SUGT1: variants seen among roughly 807,000 people sequenced by gnomAD.
SUGT1 encodes the protein SGT1 assembly cochaperone of MIS12 kinetochore complex.
A neutral mutation model predicts 56.1 loss-of-function variants in SUGT1; 15 were observed. That is an observed-to-expected ratio of 0.27 (90% CI 0.18 to 0.41). The LOEUF (loss-of-function observed/expected upper bound fraction) is 0.41. SUGT1 is among the 10% of genes least tolerant of loss of function. SUGT1 has a pLI of 1.00. For missense variants in SUGT1, 347 were observed against 382.2 expected, an observed-to-expected ratio of 0.91 and a Z score of 0.77; for synonymous variants, 123 against 128.6, an observed-to-expected ratio of 0.96 and a Z score of 0.30.
chr13:52,660,645 C>T (rs1253911123), intron 5 of SUGT1, among the ~76,000 whole-genome samples: 1 of 152,186 alleles, frequency 6.6e-6, no homozygotes, highest in African/African-American at 2.4e-5. Context: ...TATTCTCAAA[C>T]TTGCTTATCC....
rs1422937930 is a variant in SUGT1 at position 52,698,283 on chromosome 13, G to A, written c.*10448G>A. 3 of 152,094 alleles carry A rather than the reference G, an allele frequency of 2.0e-5. No homozygotes were observed. The highest frequency in any genetic ancestry group is 7.2e-5 in the African/African-American group (3 of 41,412). The allele number at this position is 152,094 out of a possible 1,614,324, so 9.4% of individuals were successfully genotyped here. A position where few individuals can be genotyped will look rare whatever the true frequency, so the allele number is the denominator to read the frequency against. On this transcript the variant is annotated 3_prime_UTR_variant, in exon 13 of 13. Coordinates refer to ENST00000310528, the MANE Select transcript of SUGT1 (RefSeq NM_006704.5). ...ACAAAAACGAAGTCAGGATTTTGGA[G>A]CTGGAATGGATCTTAAATACTATGT...
intron 12 of SUGT1, among the ~76,000 whole-genome samples, chr13:52,680,755 A>G (rs1205198406): frequency 6.6e-6 from 1 of 152,210 alleles, no homozygotes; most frequent in Non-Finnish European, 1.5e-5. Context: ...TAAAATTAGT[A>G]TTTTAATTTA....
In SUGT1 at chr13:52,687,938, A is replaced by G. The variant is rs1290138642; in HGVS notation, c.*103A>G. 1.5e-5 allele frequency: 10 copies of G among 660,708 alleles called. No individual in the cohort carries two copies. The highest frequency in any genetic ancestry group is 2.4e-5 in the Non-Finnish European group (10 of 424,856). 40.9% of individuals were successfully genotyped at this position (660,708 alleles called of 1,614,324 possible). On this transcript the variant is annotated 3_prime_UTR_variant, in exon 13 of 13. Coordinates refer to ENST00000310528, the MANE Select transcript of SUGT1 (RefSeq NM_006704.5). Reference sequence around the variant, plus strand: ...TGAACACTGAATATCTTTTTGAAAGATTATACTTCTTTACCTCTTTGTGCT... The same window carrying G: ...TGAACACTGAATATCTTTTTGAAAGGTTATACTTCTTTACCTCTTTGTGCT...
At chr13:52,674,486 A>G (rs1488660020) in intron 10 of SUGT1, among the ~76,000 whole-genome samples, 1 of 152,216 alleles carries the variant, frequency 6.6e-6, no homozygotes, top group Non-Finnish European at 1.5e-5. Context: ...CTGATTAAAA[A>G]TATTGGCAGT....
intron 10 of SUGT1, among the ~76,000 whole-genome samples, chr13:52,668,665 G>T (rs1348844130): frequency 3.9e-5 from 6 of 152,162 alleles, no homozygotes; most frequent in South Asian, 2.1e-4. Context: ...TTTAATAAAA[G>T]AATTTTTAGT....
At chr13:52,671,558 T>A (rs1962938622) in intron 10 of SUGT1, among the ~76,000 whole-genome samples, 1 of 152,204 alleles carries the variant, frequency 6.6e-6, no homozygotes, top group South Asian at 2.1e-4. Flanking sequence ...TGTAGGTATT[T>A]TTATCCCTAG....
chr13:52,666,824 G>T lies in SUGT1; in HGVS notation c.532G>T (p.Val178Phe). The T allele has an allele frequency of 6.2e-7, 1 of 1,612,742 alleles. No homozygotes were observed. Among genetic ancestry groups the T allele is most frequent in the South Asian group, 1.1e-5 (1 of 90,960 alleles). The change falls in exon 10 of 13, where the codon GTT (valine) becomes TTT (phenylalanine). Residue 178 changes from valine (V) to phenylalanine (F), a missense_variant. Val to Phe is a conservative substitution (Grantham distance 50, BLOSUM62 -1). Coordinates refer to ENST00000310528, the MANE Select transcript of SUGT1 (RefSeq NM_006704.5). Reference protein sequence around the residue: ...EFSEKELSALVKLPSGEDYNL... With the variant: ...EFSEKELSALFKLPSGEDYNL... ...TTGTGTTCATTAGTTGTCTGCTTTGGTTAAACTTCCTTCTGGAGAGGATTA... is the reference window on the plus strand; with the variant it reads ...TTGTGTTCATTAGTTGTCTGCTTTGTTTAAACTTCCTTCTGGAGAGGATTA...
At chr13:52,683,033 A>C (rs1284096721) in intron 12 of SUGT1, among the ~76,000 whole-genome samples, 1 of 151,986 alleles carries the variant, frequency 6.6e-6, no homozygotes, top group African/African-American at 2.4e-5. Context: ...TCAAATATGG[A>C]GGTTTTATTT....
intron 4 of SUGT1, 120 bp from the exon 5 acceptor site, chr13:52,659,059 A>T (rs9536223): frequency 0.39 from 271,137 of 692,086 alleles, 55,583 homozygotes; most frequent in Admixed American, 0.46. Flanking sequence ...AGGTTTATTA[A>T]CATACACTTA....
chr13:52,675,877 C>T (rs1963119243), intron 10 of SUGT1, among the ~76,000 whole-genome samples: 1 of 152,166 alleles, frequency 6.6e-6, no homozygotes, highest in Admixed American at 6.5e-5. Flanking sequence ...ATCACCTCTT[C>T]CCTCACTGCA....
rs1375365258 is a variant in SUGT1 at position 52,665,743 on chromosome 13, C to T, written c.519+10C>T. 1 of 1,562,540 alleles carries T rather than the reference C, an allele frequency of 6.4e-7. No homozygotes were observed. The highest frequency in any genetic ancestry group is 8.7e-7 in the Non-Finnish European group (1 of 1,153,232). On this transcript the variant is annotated intron_variant, in intron 9 of 12. Coordinates refer to ENST00000310528, the MANE Select transcript of SUGT1 (RefSeq NM_006704.5). ...ATTTTCAGAAAAAGAGGTCAGTAGACTGAATCATTTTTCAATGTTGATTAC... is the reference window on the plus strand; with the variant it reads ...ATTTTCAGAAAAAGAGGTCAGTAGATTGAATCATTTTTCAATGTTGATTAC...
rs117350355 is a variant in SUGT1, at chr13:52,686,528, G to A, written c.901-1206G>A. 8.9e-4 allele frequency among the ~76,000 whole-genome samples: 136 copies of A among 152,180 alleles called. 1 individual carries two copies. The East Asian group carries it at 0.026, about 29-fold the overall frequency. ...AGGTCAGAGAAAGCCACATAGAGGT[G>A]GTGACATTTCATGTTTGGAAGATGA... On this transcript the variant is annotated intron_variant, in intron 12 of 12. Coordinates refer to ENST00000310528, the MANE Select transcript of SUGT1 (RefSeq NM_006704.5).
At chr13:52,661,331 T>C (rs1326784688) in intron 5 of SUGT1, 1 of 152,188 alleles carries the variant, frequency 6.6e-6, no homozygotes, top group Admixed American at 6.6e-5. Flanking sequence ...TGTTTCTTTT[T>C]TTGAGACTGA....
chr13:52,659,831 T>A (rs868189041), intron 5 of SUGT1, among the ~76,000 whole-genome samples: 23,002 of 89,698 alleles, frequency 0.26, 2,672 homozygotes, highest in East Asian at 0.35. Flanking sequence ...TTTTTTTTTT[T>A]TTTTTTTTTT....
chr13:52,652,984 A>T lies in SUGT1; in HGVS notation c.38+26A>T. 1 of 1,614,078 alleles carries T rather than the reference A, an allele frequency of 6.2e-7. No homozygotes were observed. ...GTGCATGTTTTTCTTTCCCTTTGGT[A>T]TTTATTTTATCCCCCTTTCCTTGGC... On this transcript the variant is annotated intron_variant, in intron 1 of 12. Coordinates refer to ENST00000310528, the MANE Select transcript of SUGT1 (RefSeq NM_006704.5).
intron 9 of SUGT1, 108 bp from the exon 10 acceptor site, chr13:52,666,704 T>C: frequency 1.3e-6 from 1 of 758,022 alleles, no homozygotes. Flanking sequence ...ATATATAATG[T>C]TTAAAATAAT....
At position 52,698,885 on chromosome 13, in the gene SUGT1, C is replaced by T. The variant is rs1474536217; in HGVS notation, c.*11050C>T. 1 of 152,102 alleles carries T rather than the reference C, an allele frequency of 6.6e-6. No individual in the cohort carries two copies. Among genetic ancestry groups the T allele is most frequent in the Non-Finnish European group, 1.5e-5 (1 of 68,028 alleles). The allele number at this position is 152,102 out of a possible 1,614,324, so 9.4% of individuals were successfully genotyped here. A position where few individuals can be genotyped will look rare whatever the true frequency, so the allele number is the denominator to read the frequency against. On this transcript the variant is annotated 3_prime_UTR_variant, in exon 13 of 13. Coordinates refer to ENST00000310528, the MANE Select transcript of SUGT1 (RefSeq NM_006704.5). Reference sequence around the variant, plus strand: ...GGAAGCTTATTTTTAAAAATGTAGACCTTCATTACTTTCCTCCTGAGATTT... The same window carrying T: ...GGAAGCTTATTTTTAAAAATGTAGATCTTCATTACTTTCCTCCTGAGATTT...
intron 7 of SUGT1, 72 bp from the exon 8 acceptor site, chr13:52,663,963 A>T: frequency 7.2e-7 from 1 of 1,390,846 alleles, no homozygotes; most frequent in Non-Finnish European, 1.0e-6. Flanking sequence ...CATGCATTTT[A>T]ATAATACAGT....
rs150726477 is a variant in SUGT1 at position 52,689,252 on chromosome 13, C to T, written c.*1417C>T. ...TAAGCATTCTAGAGTTTTCACTTGT[C>T]CTTCTGTCCACTTAGAGCTACTAGA... On this transcript the variant is annotated 3_prime_UTR_variant, in exon 13 of 13. Coordinates refer to ENST00000310528, the MANE Select transcript of SUGT1 (RefSeq NM_006704.5). The T allele has an allele frequency of 1.3e-4, 20 of 152,196 alleles. No homozygotes were observed. In the East Asian group the frequency reaches 3.5e-3, roughly 26 times the overall value. The allele number at this position is 152,196 out of a possible 1,614,324, so 9.4% of individuals were successfully genotyped here.
Sources: allele counts gnomAD v4.1 joint callset (sites outside exome capture counted in the v4.1 genomes callset), GRCh38; gene constraint gnomAD v4.1.1; transcripts MANE v1.5; gene names NCBI Gene and HGNC (gene_info 2026-07-23, HGNC 2026-07-21).